Variants in PCDHA7 observed in about 807,000 individuals in gnomAD.
PCDHA7 encodes protocadherin alpha 7, also known as protocadherin alpha-7.
Under a neutral mutation model 57.2 loss-of-function variants are expected in PCDHA7, and 37 were observed. The ratio of observed to expected loss-of-function variants is 0.65; its 90% CI spans 0.50 to 0.85. The LOEUF is 0.85. Among genes scored for constraint, PCDHA7 ranks in the 40% least tolerant of loss-of-function variants. PCDHA7 has a pLI of 0.00. For synonymous variants in PCDHA7, 553 were observed against 558.8 expected, an observed-to-expected ratio of 0.99 and a Z score of 0.15; for missense variants, 1,188 against 1,241.8, an observed-to-expected ratio of 0.96 and a Z score of 0.65.
At chr5:140,877,296 C>A (rs781799440) in intron 1 of PCDHA7, 2 of 1,613,942 alleles carry the variant, frequency 1.2e-6, no homozygotes, top group Non-Finnish European at 1.7e-6. Context: ...CTTGGCTGTC[C>A]TACGAGTTGC....
chr5:140,921,581 T>C (rs1199851100), intron 1 of PCDHA7, among the ~76,000 whole-genome samples: 1 of 152,210 alleles, frequency 6.6e-6, no homozygotes, highest in Non-Finnish European at 1.5e-5. Flanking sequence ...GAGCTCATAC[T>C]ATATTATGGT....
chr5:140,846,373 C>CTTTTT (rs374699051), intron 1 of PCDHA7, among the ~76,000 whole-genome samples: 38 of 55,142 alleles, frequency 6.9e-4, no homozygotes, highest in East Asian at 1.7e-3. Context: ...TTCTTTCTTT[C>CTTTTT]TTTTTTTTTT....
chr5:140,910,324 T>C (rs2074979860), intron 1 of PCDHA7, among the ~76,000 whole-genome samples: 3 of 152,220 alleles, frequency 2.0e-5, no homozygotes, highest in Non-Finnish European at 4.4e-5. Flanking sequence ...AGTCAGACTA[T>C]TGTGATTGCT....
At chr5:140,957,130 A>C in intron 1 of PCDHA7, among the ~76,000 whole-genome samples, 1 of 152,188 alleles carries the variant, frequency 6.6e-6, no homozygotes, top group Middle Eastern at 3.2e-3. Flanking sequence ...TCTTTACTAC[A>C]CTATGAACTA....
intron 1 of PCDHA7, chr5:140,876,400 T>G: frequency 1.2e-6 from 2 of 1,613,928 alleles, no homozygotes; most frequent in Non-Finnish European, 1.7e-6. Context: ...TGAACTGGAT[T>G]TTGAAGAGAA....
At chr5:140,871,465 CAG>C in intron 1 of PCDHA7, 1 of 1,602,850 alleles carries the variant, frequency 6.2e-7, no homozygotes, top group Non-Finnish European at 8.5e-7. Flanking sequence ...AGGGGAAAGA[CAG>C]GAGCCAGGGT....
chr5:140,886,127 C>T (rs1308479455), intron 1 of PCDHA7, among the ~76,000 whole-genome samples: 5 of 152,172 alleles, frequency 3.3e-5, no homozygotes, highest in African/African-American at 1.2e-4. Flanking sequence ...AGTTCCGTAA[C>T]AACCAGATTC....
chr5:140,853,960 C>G, intron 1 of PCDHA7: 2 of 730,184 alleles, frequency 2.7e-6, no homozygotes, highest in Non-Finnish European at 3.4e-6. Flanking sequence ...CTTCCTTGAG[C>G]CCAGCAGTTT....
At chr5:140,902,066 T>C (rs2069077660) in intron 1 of PCDHA7, among the ~76,000 whole-genome samples, 1 of 152,202 alleles carries the variant, frequency 6.6e-6, no homozygotes, top group Admixed American at 6.5e-5. Flanking sequence ...GCAACTTTAC[T>C]GAATTTATTG....
intron 1 of PCDHA7, chr5:140,876,681 T>C: frequency 2.5e-6 from 4 of 1,614,180 alleles, no homozygotes; most frequent in South Asian, 1.1e-5. Flanking sequence ...CCTACAAGAA[T>C]TACTACTCGT....
At chr5:140,965,237 G>A (rs2095882583) in intron 1 of PCDHA7, among the ~76,000 whole-genome samples, 1 of 152,204 alleles carries the variant, frequency 6.6e-6, no homozygotes, top group African/African-American at 2.4e-5. Context: ...AACCTGGGAA[G>A]AGTGAATATT....
rs781972089 is a variant in PCDHA7 at position 141,009,851 on chromosome 5, A to G, written c.2728A>G (p.Lys910Glu). 1 of 1,614,060 alleles carries G rather than the reference A, an allele frequency of 6.2e-7. No individual in the cohort carries two copies. Among genetic ancestry groups the G allele is most frequent in the Non-Finnish European group, 8.5e-7 (1 of 1,179,986 alleles). Residue 910 changes from lysine to glutamate, a missense_variant, in exon 4 of 4, where the codon AAG becomes GAG. Transcript: ENST00000525929. ...AACCTTCGGCAAAAAGGAGGAGACC[A>G]AGAAAAAGAAGAAAAAGAAGAAGGG... is the stretch of plus-strand genomic sequence containing the variant. ...FITFGKKEETKKKKKKKKGNK... is the reference protein window; with the variant it reads ...FITFGKKEETEKKKKKKKGNK...
rs1019436942 is a variant in PCDHA7, at chr5:140,858,638, T to C, written c.2355+21900T>C. On this transcript the variant is annotated intron_variant, in intron 1 of 3. Transcript: ENST00000525929. ...TCCTACCCAGTGTGTCAGCCTTTGATTGGTACTTAAATTTTTTTAAATAAC... is the reference window on the plus strand; with the variant it reads ...TCCTACCCAGTGTGTCAGCCTTTGACTGGTACTTAAATTTTTTTAAATAAC... 30 of 971,874 alleles carry C rather than the reference T, an allele frequency of 3.1e-5. 2 individuals carry two copies. The highest frequency in any genetic ancestry group is 4.0e-5 in the Non-Finnish European group (27 of 675,162). 60.2% of individuals were successfully genotyped at this position (971,874 alleles called of 1,614,324 possible). A position where few individuals can be genotyped will look rare whatever the true frequency, so the allele number is the denominator to read the frequency against.
intron 1 of PCDHA7, chr5:140,851,041 G>A (rs1162904841): frequency 3.6e-6 from 5 of 1,393,834 alleles, no homozygotes; most frequent in Non-Finnish European, 4.7e-6. Context: ...TAACATTGGA[G>A]CCGACTTTGT....
chr5:140,848,761 G>C lies in PCDHA7; in HGVS notation c.2355+12023G>C, dbSNP rs200597765. 1.3e-5 allele frequency: 21 copies of C among 1,593,458 alleles called. No individual in the cohort carries two copies. In the South Asian group the frequency reaches 2.2e-4, roughly 17 times the overall value. On this transcript the variant is annotated intron_variant, in intron 1 of 3. Coordinates refer to ENST00000525929, the MANE Select transcript of PCDHA7 (RefSeq NM_018910.3). Reference sequence around the variant, plus strand: ...AATGGCATTTTGTTTGTGAATTCTCGGATCGACCGCGAGGAGCTGTGCGGG... The same window carrying C: ...AATGGCATTTTGTTTGTGAATTCTCCGATCGACCGCGAGGAGCTGTGCGGG...
rs782134920 is a variant in PCDHA7, at chr5:140,869,400, C to A, written c.2355+32662C>A. ...ACCGCGAGGAGCTGTGCGGGCAGAG[C>A]GCGGAGTGCAGCATCCACCTGGAGG... On this transcript the variant is annotated intron_variant, in intron 1 of 3. Coordinates refer to ENST00000525929, the MANE Select transcript of PCDHA7 (RefSeq NM_018910.3). The A allele has an allele frequency of 5.2e-5, 84 of 1,614,026 alleles. 2 individuals carry two copies. The Admixed American group carries it at 7.2e-4, about 14-fold the overall frequency.
chr5:140,839,383 G>C (rs200307004), intron 1 of PCDHA7, among the ~76,000 whole-genome samples: 4 of 150 alleles, frequency 0.027, no homozygotes, highest in Non-Finnish European at 0.042. Flanking sequence ...CAATTATTAT[G>C]ATGATGATGA....
At chr5:140,977,246 C>T (rs939682133) in intron 1 of PCDHA7, among the ~76,000 whole-genome samples, 1 of 152,172 alleles carries the variant, frequency 6.6e-6, no homozygotes, top group Non-Finnish European at 1.5e-5. Flanking sequence ...AAATTGGCAA[C>T]ATTTCTCAGC....
intron 1 of PCDHA7, chr5:140,862,565 A>G: frequency 2.1e-6 from 1 of 478,016 alleles, no homozygotes; most frequent in Non-Finnish European, 4.3e-6. Context: ...GTGAACCACA[A>G]TGCCCTGGCG....
Sources: allele counts gnomAD v4.1 joint callset (sites outside exome capture counted in the v4.1 genomes callset), GRCh38; gene constraint gnomAD v4.1.1; transcripts MANE v1.5; gene names NCBI Gene and HGNC (gene_info 2026-07-23, HGNC 2026-07-21).